Variants in RBBP7 observed in about 807,000 individuals in gnomAD.
The protein encoded by RBBP7 is RB binding protein 7, chromatin remodeling factor, also known as histone-binding protein RBBP7.
RBBP7 carries 5 observed loss-of-function variants against 35.2 expected under a neutral mutation model. The observed-to-expected ratio is 0.14, with a 90% CI of 0.07 to 0.30. The LOEUF (loss-of-function observed/expected upper bound fraction) is 0.30, where lower values mean the gene tolerates loss of function less well. Ranked by LOEUF, RBBP7 falls within the 10% of genes least tolerant of loss-of-function variation. The pLI is 1.00. For missense variants in RBBP7, 155 were observed against 327.5 expected (o/e 0.47, Z 4.07); for synonymous variants, 140 against 118.7 (o/e 1.18, Z -1.17).
intron 2 of RBBP7, among the ~76,000 whole-genome samples, chrX:16,868,301 C>T (rs1930676726): frequency 8.9e-6 from 1 of 112,107 alleles, no homozygotes; most frequent in Non-Finnish European, 1.9e-5. Flanking sequence ...AGAAAAGGTG[C>T]AAGTGAATGA....
intron 6 of RBBP7, chrX:16,853,119 C>A: frequency 2.6e-6 from 1 of 390,665 alleles, no homozygotes; most frequent in Non-Finnish European, 4.3e-6. Context: ...CCAACTATTT[C>A]AAGTGTACAC....
intron 5 of RBBP7, among the ~76,000 whole-genome samples, chrX:16,856,587 C>T (rs1217698833): frequency 9.1e-6 from 1 of 110,004 alleles, no homozygotes; most frequent in Non-Finnish European, 1.9e-5. Context: ...TCCCCACCCC[C>T]AAGCCAAAAA....
At chrX:16,869,988 C>CCCG (rs2147533582) in intron 1 of RBBP7, 50 bp downstream of exon 1, 1 of 757,762 alleles carries the variant, frequency 1.3e-6, no homozygotes, top group East Asian at 1.4e-4. Flanking sequence ...GCCTCGCGCG[C>CCCG]CCGCCGCCCC....
intron 5 of RBBP7, among the ~76,000 whole-genome samples, chrX:16,856,076 C>A (rs1167013681): frequency 1.9e-5 from 2 of 106,405 alleles, no homozygotes; most frequent in African/African-American, 6.9e-5. Flanking sequence ...GGACTTATAC[C>A]TAGAATACAT....
chrX:16,857,766 A>G, intron 4 of RBBP7, 57 bp from the exon 5 acceptor site: 1 of 1,167,958 alleles, frequency 8.6e-7, no homozygotes, highest in Non-Finnish European at 1.1e-6. Flanking sequence ...TGGTGAGAAT[A>G]AATTCTCACT....
intron 5 of RBBP7, among the ~76,000 whole-genome samples, chrX:16,856,594 AAAAC>A (rs1443964843): frequency 6.3e-5 from 7 of 110,896 alleles, no homozygotes; most frequent in Admixed American, 9.6e-5. Context: ...CCCCAAGCCA[AAAAC>A]AAACAAAAAA....
chrX:16,860,502 C>T (rs920210390), intron 3 of RBBP7, among the ~76,000 whole-genome samples: 11 of 108,719 alleles, frequency 1.0e-4, no homozygotes, highest in African/African-American at 3.7e-4. Context: ...TCCTGGCTAA[C>T]AAGGTGAAAC....
chrX:16,863,565 G>C (rs1450214799), intron 2 of RBBP7, among the ~76,000 whole-genome samples: 2 of 112,082 alleles, frequency 1.8e-5, no homozygotes, highest in Non-Finnish European at 3.8e-5. Context: ...AGGTAGTATG[G>C]ACAGAAAGTG....
At chrX:16,849,322 A>G (rs772382987) in intron 9 of RBBP7, 21 bp from the exon 10 acceptor site, 1 of 1,189,033 alleles carries the variant, frequency 8.4e-7, no homozygotes, top group Non-Finnish European at 1.1e-6. Flanking sequence ...AAAGAATATA[A>G]CGCTTTCATC....
At chrX:16,854,604 C>T (rs1930300241) in intron 5 of RBBP7, among the ~76,000 whole-genome samples, 1 of 111,279 alleles carries the variant, frequency 9.0e-6, no homozygotes, top group African/African-American at 3.3e-5. Flanking sequence ...AAGTCTTTCA[C>T]TTCATGGCAG....
At chrX:16,853,640 G>A in intron 6 of RBBP7, 42 bp downstream of exon 6, 2 of 1,059,728 alleles carry the variant, frequency 1.9e-6, no homozygotes, top group African/African-American at 1.9e-5. Context: ...TGGTCATTCA[G>A]GTCACCCATT....
chrX:16,846,793 A>ATT (rs1414714051), intron 10 of RBBP7: 1 of 112,146 alleles, frequency 8.9e-6, no homozygotes, highest in Non-Finnish European at 1.9e-5. Flanking sequence ...CCAACTAGGT[A>ATT]TTATGCAATG....
chrX:16,846,190 T>G lies in RBBP7; in HGVS notation c.1099-252A>C, dbSNP rs762157379. 3 of 268,567 alleles carry G rather than the reference T, an allele frequency of 1.1e-5. No homozygotes were observed. The South Asian group carries it at 3.6e-4, about 32-fold the overall frequency. The allele number at this position is 268,567 out of a possible 1,213,427, so 22.1% of individuals were successfully genotyped here. On this transcript the variant is annotated intron_variant, in intron 10 of 11. Transcript: ENST00000380087. ...CTAGATTCACCAAGTGATACTAGCA[T>G]AACTGATGCTTTATCCATGAGCCTA...
chrX:16,869,756 C>T (rs1602431074), intron 1 of RBBP7: 1 of 963,437 alleles, frequency 1.0e-6, no homozygotes, highest in Admixed American at 5.8e-5. Flanking sequence ...GGGCCGCCTC[C>T]GCCCCGGGGC....
chrX:16,863,226 G>A (rs1602425267), intron 2 of RBBP7, 126 bp from the exon 3 acceptor site: 3 of 651,435 alleles, frequency 4.6e-6, no homozygotes, highest in East Asian at 7.1e-5. Context: ...CATCAACTGT[G>A]TATCTTCTCC....
intron 9 of RBBP7, among the ~76,000 whole-genome samples, chrX:16,850,740 G>A (rs1930191821): frequency 9.0e-6 from 1 of 111,695 alleles, no homozygotes; most frequent in East Asian, 2.8e-4. Context: ...TAATATATAG[G>A]TTGAGCATCC....
chrX:16,851,660 A>C (rs1457497035), intron 9 of RBBP7, among the ~76,000 whole-genome samples: 1 of 112,234 alleles, frequency 8.9e-6, no homozygotes, highest in Non-Finnish European at 1.9e-5. Context: ...AAGCAAAGTA[A>C]ATGGTACAAA....
At chrX:16,861,349 C>T (rs1930472825) in intron 3 of RBBP7, among the ~76,000 whole-genome samples, 1 of 111,527 alleles carries the variant, frequency 9.0e-6, no homozygotes, top group Non-Finnish European at 1.9e-5. Context: ...TTTCACTACA[C>T]TAGAGAATGT....
chrX:16,858,555 A>AC, intron 4 of RBBP7, 121 bp downstream of exon 4: 1 of 1,041,877 alleles, frequency 9.6e-7, no homozygotes, highest in Non-Finnish European at 1.3e-6. Context: ...TGGTTATGGG[A>AC]CCCCCAAAGC....
Sources: gnomAD v4.1 joint callset for allele counts (sites outside exome capture counted in the v4.1 genomes callset) on GRCh38, gnomAD v4.1.1 for gene constraint, MANE v1.5 for transcripts, NCBI Gene and HGNC (gene_info 2026-07-23, HGNC 2026-07-21) for gene names.